Variants in SLC34A2 observed in about 807,000 individuals in gnomAD.
The protein encoded by SLC34A2 is solute carrier family 34 member 2.
A neutral mutation model predicts 50.8 loss-of-function variants in SLC34A2; 41 were observed. The observed-to-expected ratio is 0.81, with a 90% CI of 0.63 to 1.05. The LOEUF is 1.05. SLC34A2 is among the 50% of genes least tolerant of loss of function. SLC34A2 has a pLI of 0.00. For missense variants in SLC34A2, 879 were observed against 876.7 expected, an observed-to-expected ratio of 1.00 and a Z score of -0.03; for synonymous variants, 401 against 364.2, an observed-to-expected ratio of 1.10 and a Z score of -1.15.
Position 25,676,685 on chromosome 4 carries a change from T to G in SLC34A2, c.2009T>G (p.Ile670Ser). The G allele has an allele frequency of 6.2e-7, 1 of 1,614,150 alleles. No homozygotes were observed. ...CCTGAGACCTTTGATAACATAACCA[T>G]TAGCAGAGAGGCTCAGGGTGAGGTC... ...KAPETFDNIT[I>S]SREAQGEVPA... Residue 670 changes from isoleucine to serine, a missense_variant, in exon 13 of 13, where the codon ATT (isoleucine) becomes AGT (serine). Physicochemically the swap from Ile to Ser is moderately radical, Grantham distance 142. Transcript: ENST00000382051.
At chr4:25,668,860 A>G (rs1165788892) in intron 6 of SLC34A2, among the ~76,000 whole-genome samples, 1 of 151,270 alleles carries the variant, frequency 6.6e-6, no homozygotes, top group Non-Finnish European at 1.5e-5. Context: ...TTAATGTGAA[A>G]ATTAAGTGTT....
At chr4:25,667,306 A>G (rs935824577) in intron 5 of SLC34A2, among the ~76,000 whole-genome samples, 4 of 152,108 alleles carry the variant, frequency 2.6e-5, no homozygotes, top group Admixed American at 6.5e-5. Context: ...GAGGTTGGGA[A>G]TCTGAGACCA....
chr4:25,667,941 C>T lies in SLC34A2; in HGVS notation c.585C>T (p.Thr195=), dbSNP rs1234970171. 1.2e-6 allele frequency: 2 copies of T among 1,614,024 alleles called. No individual in the cohort carries two copies. The highest frequency in any genetic ancestry group is 1.7e-6 in the Non-Finnish European group (2 of 1,179,886). Residue 195 remains threonine, a synonymous_variant, in exon 6 of 13, where the codon ACC becomes ACT. Coordinates refer to ENST00000382051, the MANE Select transcript of SLC34A2 (RefSeq NM_006424.3). The part of the protein sequence containing the change: ...IMGANIGTSI[T]NTIVALMQVG... ...GGGCCAACATTGGAACGTCAATCAC[C>T]AACACTATTGTTGCGCTCATGCAGG...
chr4:25,673,259 G>A lies in SLC34A2; in HGVS notation c.1216+5G>A. 2 of 1,601,498 alleles carry A rather than the reference G, an allele frequency of 1.2e-6. No homozygotes were observed. The highest frequency in any genetic ancestry group is 1.1e-5 in the South Asian group (1 of 90,322). On this transcript the variant is annotated splice_donor_5th_base_variant and intron_variant, in intron 10 of 12. Transcript: ENST00000382051. ...TCAAGAAGACCATCAACACTGGTAG[G>A]TACACTGCCCTCACTTGTAGGCCTC...
Position 25,676,570 on chromosome 4 carries a change from C to G in SLC34A2, c.1894C>G (p.Leu632Val). 5 of 1,612,936 alleles carry G rather than the reference C, an allele frequency of 3.1e-6. No homozygotes were observed. The highest frequency in any genetic ancestry group is 4.2e-6 in the Non-Finnish European group (5 of 1,179,036). ...CGTGTGCTGCCGCGCGTGCTGCTTG[C>G]TGTGTGACTGCCCCAAGTGCTGCCG... is the stretch of plus-strand genomic sequence containing the variant. ...CRVCCRACCLLCDCPKCCRCS... is the reference protein window; with the variant it reads ...CRVCCRACCLVCDCPKCCRCS... Residue 632 changes from leucine (L) to valine (V), a missense_variant, in exon 13 of 13, where the codon CTG (leucine) becomes GTG (valine). Transcript: ENST00000382051.
chr4:25,668,243 C>A (rs1053767979), intron 6 of SLC34A2, among the ~76,000 whole-genome samples: 2 of 152,160 alleles, frequency 1.3e-5, no homozygotes, highest in Admixed American at 1.3e-4. Flanking sequence ...AAATATACAA[C>A]CCAGCAGGTG....
At chr4:25,657,230 A>G (rs929869659) in intron 1 of SLC34A2, among the ~76,000 whole-genome samples, 5 of 152,148 alleles carry the variant, frequency 3.3e-5, no homozygotes, top group African/African-American at 1.2e-4. Flanking sequence ...AAAGGGGACA[A>G]AAAAATAGCC....
intron 1 of SLC34A2, among the ~76,000 whole-genome samples, chr4:25,659,035 C>T (rs747463495): frequency 5.3e-5 from 8 of 151,806 alleles, no homozygotes; most frequent in Non-Finnish European, 7.4e-5. Context: ...GCCAGCTATC[C>T]GAAAACACTC....
chr4:25,662,477 A>G (rs778168825), intron 1 of SLC34A2, 21 bp from the exon 2 acceptor site: 1 of 1,601,232 alleles, frequency 6.2e-7, no homozygotes, highest in South Asian at 1.1e-5. Context: ...CTGCTGCTTT[A>G]AGCTGTTTTC....
chr4:25,669,554 C>T, intron 6 of SLC34A2, 93 bp from the exon 7 acceptor site: 2 of 1,077,522 alleles, frequency 1.9e-6, no homozygotes, highest in Admixed American at 1.7e-5. Context: ...TGACACCTAG[C>T]AGAGGGTGGC....
rs759781296 is a variant in SLC34A2, at chr4:25,674,434, C to T, written c.1333+22C>T. 4.3e-6 allele frequency: 7 copies of T among 1,614,076 alleles called. No homozygotes were observed. In the African/African-American group the frequency reaches 8.0e-5, roughly 18 times the overall value. On this transcript the variant is annotated intron_variant, in intron 11 of 12. Coordinates refer to ENST00000382051, the MANE Select transcript of SLC34A2 (RefSeq NM_006424.3). ...ATTGGTGAGTTACACCCTGGCTTCT[C>T]CCTCTGGCCACCACTGCCATTTCCT...
At chr4:25,660,957 G>A (rs973315598) in intron 1 of SLC34A2, among the ~76,000 whole-genome samples, 1 of 152,214 alleles carries the variant, frequency 6.6e-6, no homozygotes, top group East Asian at 1.9e-4. Context: ...ATTGTCTAAT[G>A]TCAAAGAACA....
At chr4:25,671,057 C>G (rs970839092) in intron 8 of SLC34A2, among the ~76,000 whole-genome samples, 2 of 152,166 alleles carry the variant, frequency 1.3e-5, no homozygotes, top group Non-Finnish European at 2.9e-5. Flanking sequence ...TTGCCCCATC[C>G]CAGGGATACA....
chr4:25,677,019 A>C lies in SLC34A2; in HGVS notation c.*270A>C. On this transcript the variant is annotated 3_prime_UTR_variant, in exon 13 of 13. Transcript: ENST00000382051. Reference sequence around the variant, plus strand: ...AGAATTAGAGAATGAACCTGGCGGGACGGATGTCTAATCCTGCGCCTAGCT... The same window carrying C: ...AGAATTAGAGAATGAACCTGGCGGGCCGGATGTCTAATCCTGCGCCTAGCT... 2.0e-6 allele frequency: 1 copy of C among 511,056 alleles called. No individual in the cohort carries two copies. The highest frequency in any genetic ancestry group is 3.5e-6 in the Non-Finnish European group (1 of 284,118). The allele number at this position is 511,056 out of a possible 1,614,324, so 31.7% of individuals were successfully genotyped here.
At chr4:25,664,400 C>T (rs1434512866) in intron 4 of SLC34A2, 70 bp downstream of exon 4, 6 of 1,558,254 alleles carry the variant, frequency 3.9e-6, no homozygotes, top group East Asian at 2.2e-5. Flanking sequence ...GAGAGTAAAA[C>T]TCAGCAAGCC....
intron 1 of SLC34A2, among the ~76,000 whole-genome samples, chr4:25,661,254 G>A (rs974043331): frequency 6.6e-6 from 1 of 152,150 alleles, no homozygotes; most frequent in African/African-American, 2.4e-5. Context: ...TATGCTCAGA[G>A]GCATAAAGGG....
rs371214606 is a variant in SLC34A2 at position 25,670,672 on chromosome 4, C to T, written c.832-66C>T. The stretch of plus-strand genomic sequence containing the variant: ...CTTAGAGCCCCTCTCACTTCAACCC[C>T]CTGGGTTTGTGTCCTAAATCGGTTC... On this transcript the variant is annotated intron_variant, in intron 7 of 12. Transcript: ENST00000382051. 15 of 1,293,186 alleles carry T rather than the reference C, an allele frequency of 1.2e-5. No individual in the cohort carries two copies. In the East Asian group the frequency reaches 2.9e-4, roughly 25 times the overall value. 80.1% of individuals were successfully genotyped at this position (1,293,186 alleles called of 1,614,324 possible). A position where few individuals can be genotyped will look rare whatever the true frequency, so the allele number is the denominator to read the frequency against.
rs1715281687 is a variant in SLC34A2 at position 25,678,615 on chromosome 4, A to G, written c.*1866A>G. 6.6e-6 allele frequency: 2 copies of G among 304,476 alleles called. No individual in the cohort carries two copies. The highest frequency in any genetic ancestry group is 6.2e-6 in the Non-Finnish European group (1 of 161,662). The allele number at this position is 304,476 out of a possible 1,614,324, so 18.9% of individuals were successfully genotyped here. A position where few individuals can be genotyped will look rare whatever the true frequency, so the allele number is the denominator to read the frequency against. On this transcript the variant is annotated 3_prime_UTR_variant, in exon 13 of 13. Transcript: ENST00000382051. Reference sequence around the variant, plus strand: ...AGGCTGGTCTCAAACTCCTGAGATCAAGCAATCCGCCCACCTCAGCCTCCC... The same window carrying G: ...AGGCTGGTCTCAAACTCCTGAGATCGAGCAATCCGCCCACCTCAGCCTCCC...
chr4:25,673,048 C>T (rs1472758019), intron 9 of SLC34A2, 39 bp from the exon 10 acceptor site: 3 of 1,606,206 alleles, frequency 1.9e-6, no homozygotes, highest in Non-Finnish European at 2.6e-6. Flanking sequence ...GCCGTGGTGG[C>T]TCCATGCCCT....
Sources: gnomAD v4.1 joint callset for allele counts (sites outside exome capture counted in the v4.1 genomes callset) on GRCh38, gnomAD v4.1.1 for gene constraint, MANE v1.5 for transcripts, NCBI Gene and HGNC (gene_info 2026-07-23, HGNC 2026-07-21) for gene names.